The following DCC variants were observed in gnomAD, a reference collection of about 807,000 sequenced individuals.
DCC encodes the protein netrin receptor DCC.
In DCC, 58 loss-of-function variants were observed where a neutral mutation model predicts 172.5. The ratio of observed to expected loss-of-function variants is 0.34; its 90% CI spans 0.27 to 0.42. The LOEUF (loss-of-function observed/expected upper bound fraction) is 0.42, where lower values mean the gene tolerates loss of function less well. Among genes scored for constraint, DCC ranks in the 10% least tolerant of loss-of-function variants. The probability of loss-of-function intolerance (pLI) is 1.00; values close to 1 mark genes in which losing one functional copy is unlikely to be tolerated. For synonymous variants in DCC, 709 were observed against 644.5 expected, an observed-to-expected ratio of 1.10 and a Z score of -1.52; for missense variants, 1,740 against 1,791.0, an observed-to-expected ratio of 0.97 and a Z score of 0.51.
rs10686831 is a variant in DCC, at chr18:53,498,561, GA to G, written c.3899-722del. Among the ~76,000 whole-genome samples the G allele has an allele frequency of 4.8e-3, 677 of 139,774 alleles. 5 individuals are homozygous for G. The highest frequency in any genetic ancestry group is 0.015 in the African/African-American group (579 of 37,922). The allele number at this position is 139,774 out of a possible 152,430, so 91.7% of individuals were successfully genotyped here. A position where few individuals can be genotyped will look rare whatever the true frequency, so the allele number is the denominator to read the frequency against. On this transcript the variant is annotated intron_variant, in intron 26 of 28. Transcript: ENST00000442544. ...TATTCTGTCTTAACTGTGTTCTCTG[GA>G]AAAAAAAAAAAAAAGGTGTATTTCC...
chr18:52,440,377 CT>C (rs1987937018), intron 1 of DCC, among the ~76,000 whole-genome samples: 1 of 152,060 alleles, frequency 6.6e-6, no homozygotes, highest in Non-Finnish European at 1.5e-5. Context: ...ATCATTTTTT[CT>C]TTTTGTTTTT....
chr18:53,384,887 G>A (rs1236940784), intron 15 of DCC, among the ~76,000 whole-genome samples: 5 of 149,890 alleles, frequency 3.3e-5, no homozygotes, highest in East Asian at 3.9e-4. Flanking sequence ...TCGCTGTGTC[G>A]CGCAGGATGG....
chr18:53,033,616 T>C (rs11663694), intron 5 of DCC, among the ~76,000 whole-genome samples: 49,894 of 151,986 alleles, frequency 0.33, 9,098 homozygotes, highest in Non-Finnish European at 0.42. Flanking sequence ...AACAGCATTG[T>C]TGCAGCATCT....
chr18:53,061,589 T>C (rs1452576192), intron 5 of DCC, among the ~76,000 whole-genome samples: 2 of 152,110 alleles, frequency 1.3e-5, no homozygotes, highest in Non-Finnish European at 2.9e-5. Context: ...TCTAATTGCT[T>C]ATCACAATTA....
At chr18:53,217,455 T>C (rs2055872010) in intron 12 of DCC, among the ~76,000 whole-genome samples, 1 of 152,136 alleles carries the variant, frequency 6.6e-6, no homozygotes, top group African/African-American at 2.4e-5. Context: ...AAGTTTAAAT[T>C]GTTCATTCGC....
rs77429504 is a variant in DCC, at chr18:52,743,989, T to C, written c.92-8065T>C. ...TTCCAAGAATTTACTCTTCTCTAGA[T>C]ATGTGACAACTGAGGAGCACAGTAG... On this transcript the variant is annotated intron_variant, in intron 1 of 28. Coordinates refer to ENST00000442544, the MANE Select transcript of DCC (RefSeq NM_005215.4). Among the ~76,000 whole-genome samples the C allele has an allele frequency of 1.7e-4, 26 of 152,314 alleles. No homozygotes were observed. In the East Asian group the frequency reaches 5.0e-3, roughly 29 times the overall value.
At chr18:53,013,784 T>A (rs1288087980) in intron 5 of DCC, among the ~76,000 whole-genome samples, 1 of 152,052 alleles carries the variant, frequency 6.6e-6, no homozygotes, top group African/African-American at 2.4e-5. Flanking sequence ...ATAGCACACT[T>A]CCAATCAACA....
chr18:52,696,369 A>G (rs1231165424), intron 1 of DCC, among the ~76,000 whole-genome samples: 4 of 152,212 alleles, frequency 2.6e-5, no homozygotes, highest in Non-Finnish European at 5.9e-5. Flanking sequence ...CAAGCTCAAC[A>G]GGACATCTGG....
chr18:52,398,511 C>T (rs540596454), intron 1 of DCC, among the ~76,000 whole-genome samples: 1 of 152,058 alleles, frequency 6.6e-6, no homozygotes, highest in East Asian at 1.9e-4. Flanking sequence ...AGATTGCACA[C>T]TTTTTCAATC....
At position 52,395,248 on chromosome 18, in the gene DCC, G is replaced by T. The variant is rs546730714; in HGVS notation, c.91+54370G>T. Among the ~76,000 whole-genome samples the T allele has an allele frequency of 1.6e-3, 247 of 152,102 alleles. 1 individual carries two copies. The highest frequency in any genetic ancestry group is 6.8e-3 in the South Asian group (33 of 4,818). On this transcript the variant is annotated intron_variant, in intron 1 of 28. Coordinates refer to ENST00000442544, the MANE Select transcript of DCC (RefSeq NM_005215.4). ...TATGTTTAGATTGAAATTTACTATTGGCTAGGAAAGGAGGTGTTTATTGTG... is the reference window on the plus strand; with the variant it reads ...TATGTTTAGATTGAAATTTACTATTTGCTAGGAAAGGAGGTGTTTATTGTG...
At chr18:52,360,839 T>G (rs1374176503) in intron 1 of DCC, among the ~76,000 whole-genome samples, 1 of 152,246 alleles carries the variant, frequency 6.6e-6, no homozygotes, top group Non-Finnish European at 1.5e-5. Context: ...TTTTATTGTT[T>G]TGCAACTACA....
rs954169327 is a variant in DCC, at chr18:52,659,568, A to G, written c.92-92486A>G. Among the ~76,000 whole-genome samples, 20 of 152,238 alleles carry G rather than the reference A, an allele frequency of 1.3e-4. 1 individual carries two copies. The highest frequency in any genetic ancestry group is 1.2e-3 in the Admixed American group (19 of 15,288). On this transcript the variant is annotated intron_variant, in intron 1 of 28. Coordinates refer to ENST00000442544, the MANE Select transcript of DCC (RefSeq NM_005215.4). ...CTGATAAGAACTCATATAGTCAGGA[A>G]CCAAATGAACCAGGCCAAAACAAGA... is the stretch of plus-strand genomic sequence containing the variant.
intron 1 of DCC, among the ~76,000 whole-genome samples, chr18:52,493,899 T>C (rs2030627629): frequency 6.6e-6 from 1 of 152,102 alleles, no homozygotes; most frequent in Non-Finnish European, 1.5e-5. Flanking sequence ...CATAAAACAC[T>C]AATTTCCCTT....
At chr18:53,171,503 C>T (rs899400149) in intron 8 of DCC, among the ~76,000 whole-genome samples, 8 of 152,198 alleles carry the variant, frequency 5.3e-5, no homozygotes, top group Admixed American at 1.3e-4. Flanking sequence ...TTGTCCATAT[C>T]AATGAATATG....
intron 5 of DCC, among the ~76,000 whole-genome samples, chr18:52,933,461 A>G (rs1295268024): frequency 6.6e-6 from 1 of 151,632 alleles, no homozygotes; most frequent in Non-Finnish European, 1.5e-5. Context: ...TTGAGGGGAG[A>G]GTATCTGACA....
chr18:52,366,864 T>C (rs1413097121), intron 1 of DCC, among the ~76,000 whole-genome samples: 2 of 152,262 alleles, frequency 1.3e-5, no homozygotes, highest in African/African-American at 4.8e-5. Context: ...GCACCAGGGC[T>C]GCAGGTGGAG....
chr18:52,940,811 A>G (rs187361766), intron 5 of DCC: 1 of 152,302 alleles, frequency 6.6e-6, no homozygotes, highest in East Asian at 1.9e-4. Flanking sequence ...TGGCAGTTCA[A>G]AAGGTCAATC....
rs754914260 is a variant in DCC at position 52,923,832 on chromosome 18, C to A, written c.823C>A (p.Arg275=). 1 of 1,613,174 alleles carries A rather than the reference C, an allele frequency of 6.2e-7. No homozygotes were observed. Among genetic ancestry groups the A allele is most frequent in the East Asian group, 2.2e-5 (1 of 44,830 alleles). The change falls in exon 4 of 29, where the codon CGA becomes AGA. Residue 275 remains arginine (R), a synonymous_variant. Transcript: ENST00000442544. ...GYPPPSFTWL[R]GEEVIQLRSK... is the part of the protein sequence containing the mutation. ...TCCTCCACCAAGTTTTACCTGGTTA[C>A]GAGGCGAGGAAGTCATCCAACTCAG... is the stretch of plus-strand genomic sequence containing the variant.
At position 53,533,319 on chromosome 18, in the gene DCC, A is replaced by T. The variant is rs2046542206; in HGVS notation, c.*2666A>T. 6.6e-6 allele frequency: 1 copy of T among 152,132 alleles called. No homozygotes were observed. 9.4% of individuals were successfully genotyped at this position (152,132 alleles called of 1,614,324 possible). On this transcript the variant is annotated 3_prime_UTR_variant, in exon 29 of 29. Transcript: ENST00000442544. ...ATGGTATCCAGGACTCTTTATGCTC[A>T]TAACTCTCTCTGATTCCCATTGGGT...
Sources: allele counts gnomAD v4.1 joint callset (sites outside exome capture counted in the v4.1 genomes callset), GRCh38; gene constraint gnomAD v4.1.1; transcripts MANE v1.5; gene names NCBI Gene and HGNC (gene_info 2026-07-23, HGNC 2026-07-21).